NLGN1: variants seen among roughly 807,000 people sequenced by gnomAD.
NLGN1 encodes the protein neuroligin 1.
Under a neutral mutation model 65.5 loss-of-function variants are expected in NLGN1, and 12 were observed. The observed-to-expected ratio is 0.18, with a 90% CI of 0.12 to 0.30. NLGN1 has a LOEUF of 0.30. NLGN1 is among the 10% of genes least tolerant of loss of function. NLGN1 has a pLI of 1.00. For missense variants in NLGN1, 750 were observed against 1,007.1 expected, an observed-to-expected ratio of 0.74 and a Z score of 3.46; for synonymous variants, 350 against 359.5, an observed-to-expected ratio of 0.97 and a Z score of 0.30.
intron 2 of NLGN1, among the ~76,000 whole-genome samples, chr3:173,487,770 G>A (rs979026482): frequency 6.6e-6 from 1 of 151,814 alleles, no homozygotes; most frequent in Non-Finnish European, 1.5e-5. Flanking sequence ...TATGCCAGTT[G>A]GCCTTTCTGA....
At chr3:173,683,164 C>A (rs1184461281) in intron 3 of NLGN1, among the ~76,000 whole-genome samples, 1 of 152,058 alleles carries the variant, frequency 6.6e-6, no homozygotes, top group Admixed American at 6.6e-5. Context: ...GTATAAGAAT[C>A]TATTTTTTGC....
intron 2 of NLGN1, among the ~76,000 whole-genome samples, chr3:173,498,211 C>G (rs1018616130): frequency 1.3e-5 from 2 of 151,716 alleles, no homozygotes; most frequent in East Asian, 1.9e-4. Flanking sequence ...CCACTCCCCC[C>G]ACCCCACAAC....
intron 1 of NLGN1, among the ~76,000 whole-genome samples, chr3:173,409,368 C>A (rs1712024711): frequency 6.6e-6 from 1 of 152,114 alleles, no homozygotes; most frequent in African/African-American, 2.4e-5. Context: ...AAGAAACAAT[C>A]ACTTTTCTTG....
At chr3:174,038,913 T>C (rs1731690939) in intron 4 of NLGN1, among the ~76,000 whole-genome samples, 1 of 152,192 alleles carries the variant, frequency 6.6e-6, no homozygotes. Context: ...TCTCCTTCCA[T>C]ACCCACAGTA....
chr3:173,663,499 T>G (rs1761245267), intron 3 of NLGN1, among the ~76,000 whole-genome samples: 2 of 152,002 alleles, frequency 1.3e-5, no homozygotes, highest in Non-Finnish European at 2.9e-5. Flanking sequence ...GAAAACACAT[T>G]TTATGCTGTA....
intron 4 of NLGN1, among the ~76,000 whole-genome samples, chr3:173,939,262 G>A (rs944511278): frequency 7.9e-5 from 12 of 152,140 alleles, no homozygotes; most frequent in African/African-American, 2.7e-4. Flanking sequence ...AACTGTGCTG[G>A]ACTCAACCAT....
chr3:174,208,442 A>G (rs1162462029), intron 4 of NLGN1, among the ~76,000 whole-genome samples: 1 of 152,274 alleles, frequency 6.6e-6, no homozygotes, highest in South Asian at 2.1e-4. Flanking sequence ...ACTGCAGCCA[A>G]TATGACCCCC....
intron 4 of NLGN1, among the ~76,000 whole-genome samples, chr3:174,176,868 C>G (rs924476919): frequency 1.5e-4 from 23 of 152,022 alleles, no homozygotes; most frequent in African/African-American, 5.3e-4. Flanking sequence ...CTTACCTCAA[C>G]TGAAAGGAAC....
intron 2 of NLGN1, among the ~76,000 whole-genome samples, chr3:173,520,590 G>A (rs1734584905): frequency 6.6e-6 from 1 of 152,298 alleles, no homozygotes; most frequent in Admixed American, 6.5e-5. Context: ...TGTGGTCAAA[G>A]CTTTTGTAGT....
chr3:173,663,268 A>G (rs1168922517), intron 3 of NLGN1, among the ~76,000 whole-genome samples: 1 of 152,038 alleles, frequency 6.6e-6, no homozygotes, highest in Non-Finnish European at 1.5e-5. Flanking sequence ...AAGTGCTTAT[A>G]AGGAAAAGCT....
At chr3:174,044,268 G>C (rs1330570061) in intron 4 of NLGN1, among the ~76,000 whole-genome samples, 1 of 152,162 alleles carries the variant, frequency 6.6e-6, no homozygotes, top group East Asian at 1.9e-4. Flanking sequence ...TTTAACCATG[G>C]TCTTGGTGAT....
At chr3:173,685,679 A>G (rs553842471) in intron 3 of NLGN1, 2 of 985,244 alleles carry the variant, frequency 2.0e-6, no homozygotes, top group African/African-American at 3.5e-5. Context: ...TATGTCATGT[A>G]AGGACTCAAA....
intron 3 of NLGN1, among the ~76,000 whole-genome samples, chr3:173,747,115 G>A (rs1775535233): frequency 6.8e-6 from 1 of 148,052 alleles, no homozygotes; most frequent in African/African-American, 2.5e-5. Context: ...TGTATACCAC[G>A]TGTATACGTG....
intron 3 of NLGN1, among the ~76,000 whole-genome samples, chr3:173,758,749 TA>T (rs1225047129): frequency 6.6e-6 from 1 of 151,944 alleles, no homozygotes; most frequent in Non-Finnish European, 1.5e-5. Context: ...CATTAAAACT[TA>T]AAAAAATAGC....
At position 173,452,024 on chromosome 3, in the gene NLGN1, C is replaced by T. The variant is rs907516986; in HGVS notation, c.-321+16946C>T. Reference sequence around the variant, plus strand: ...GTGCTTCCCGGGTGAGGCGATGCCTCGCCCTGCTTCGGCTCACGCACAGTG... The same window carrying T: ...GTGCTTCCCGGGTGAGGCGATGCCTTGCCCTGCTTCGGCTCACGCACAGTG... On this transcript the variant is annotated intron_variant, in intron 2 of 6. Coordinates refer to ENST00000457714, the Ensembl canonical transcript of NLGN1. 9.8e-5 allele frequency among the ~76,000 whole-genome samples: 15 copies of T among 152,318 alleles called. No homozygotes were observed. The South Asian group carries it at 1.2e-3, about 13-fold the overall frequency.
At chr3:173,473,885 G>A (rs555099051) in intron 2 of NLGN1, among the ~76,000 whole-genome samples, 1 of 152,152 alleles carries the variant, frequency 6.6e-6, no homozygotes, top group South Asian at 2.1e-4. Context: ...TTAATGAGAC[G>A]GCAGATTTCC....
intron 2 of NLGN1, among the ~76,000 whole-genome samples, chr3:173,475,448 A>G (rs1393480905): frequency 6.6e-6 from 1 of 152,182 alleles, no homozygotes; most frequent in African/African-American, 2.4e-5. Context: ...AAACATTTAA[A>G]GTTATTTGTC....
chr3:173,626,602 T>C (rs979538032), intron 3 of NLGN1, among the ~76,000 whole-genome samples: 2 of 152,090 alleles, frequency 1.3e-5, no homozygotes, highest in African/African-American at 4.8e-5. Context: ...TTTTTAGAAA[T>C]ATAAAGTAGA....
intron 3 of NLGN1, among the ~76,000 whole-genome samples, chr3:173,629,842 A>G (rs772823474): frequency 2.6e-5 from 4 of 152,182 alleles, no homozygotes; most frequent in Non-Finnish European, 5.9e-5. Flanking sequence ...TCCACTTCAG[A>G]GTTTATCAGA....
Sources: allele counts gnomAD v4.1 joint callset (sites outside exome capture counted in the v4.1 genomes callset), GRCh38; gene constraint gnomAD v4.1.1; transcripts MANE v1.5; gene names NCBI Gene and HGNC (gene_info 2026-07-23, HGNC 2026-07-21).